The following MAP1B variants were observed in gnomAD, a reference collection of about 807,000 sequenced individuals.
MAP1B encodes microtubule associated protein 1B.
Under a neutral mutation model 176.1 loss-of-function variants are expected in MAP1B, and 12 were observed. That is an observed-to-expected ratio of 0.07 (90% CI 0.04 to 0.11). The LOEUF (loss-of-function observed/expected upper bound fraction) is 0.11, where lower values mean the gene tolerates loss of function less well. MAP1B is among the 10% of genes least tolerant of loss of function. MAP1B has a pLI of 1.00. For missense variants in MAP1B, 2,523 were observed against 2,990.5 expected (o/e 0.84, Z 3.65); for synonymous variants, 1,044 against 1,135.0 (o/e 0.92, Z 1.61).
intron 1 of MAP1B, 48 bp downstream of exon 1, chr5:72,107,763 CACG>C: frequency 1.9e-6 from 3 of 1,586,272 alleles, no homozygotes; most frequent in Non-Finnish European, 2.6e-6. Flanking sequence ...GACGCGCAAA[CACG>C]ACCCCACCCA....
chr5:72,144,646 C>T (rs1746013377), intron 2 of MAP1B, among the ~76,000 whole-genome samples: 1 of 152,182 alleles, frequency 6.6e-6, no homozygotes, highest in South Asian at 2.1e-4. Flanking sequence ...CCCCCCACCT[C>T]AGCTTCCCAA....
At chr5:72,127,107 C>A (rs1745644426) in intron 2 of MAP1B, among the ~76,000 whole-genome samples, 1 of 152,230 alleles carries the variant, frequency 6.6e-6, no homozygotes, top group Non-Finnish European at 1.5e-5. Flanking sequence ...CTCAAGAGTT[C>A]TAGGGATTAT....
intron 2 of MAP1B, among the ~76,000 whole-genome samples, chr5:72,121,936 C>T (rs1745537136): frequency 6.6e-6 from 1 of 152,190 alleles, no homozygotes; most frequent in African/African-American, 2.4e-5. Context: ...AGAGGGACAG[C>T]CGATTCTTTA....
chr5:72,117,925 A>C (rs558112099), intron 2 of MAP1B, among the ~76,000 whole-genome samples: 2 of 152,334 alleles, frequency 1.3e-5, no homozygotes, highest in East Asian at 3.9e-4. Context: ...AGCACATGTC[A>C]GATTCAGTTT....
At chr5:72,111,564 C>T (rs1745341377) in intron 1 of MAP1B, among the ~76,000 whole-genome samples, 1 of 152,144 alleles carries the variant, frequency 6.6e-6, no homozygotes, top group Non-Finnish European at 1.5e-5. Flanking sequence ...AAATAAGAAA[C>T]CAATACCATA....
Position 72,198,586 on chromosome 5 carries a change from C to T in MAP1B, c.5231C>T (p.Pro1744Leu). 2 of 1,614,108 alleles carry T rather than the reference C, an allele frequency of 1.2e-6. No homozygotes were observed. The highest frequency in any genetic ancestry group is 1.7e-6 in the Non-Finnish European group (2 of 1,180,030). ...SAHTPSQIAS[P>L]LQEDTLSDVA... ...CATACCCCTTCTCAGATCGCTTCTCCTCTCCAAGAAGATACTCTATCCGAT... is the reference window on the plus strand; with the variant it reads ...CATACCCCTTCTCAGATCGCTTCTCTTCTCCAAGAAGATACTCTATCCGAT... The change falls in exon 5 of 7, where the codon CCT (proline) becomes CTT (leucine). Residue 1744 changes from proline to leucine, a missense_variant. Coordinates refer to ENST00000296755, the MANE Select transcript of MAP1B (RefSeq NM_005909.5).
rs1298781562 is a variant in MAP1B, at chr5:72,209,109, A to G, written c.*3870A>G. On this transcript the variant is annotated 3_prime_UTR_variant, in exon 7 of 7. Transcript: ENST00000296755. ...AGTTGATTTTTAAAGGCAGCATCAAAAACTGAAAAGGAAGGGAAAAAATAG... is the reference window on the plus strand; with the variant it reads ...AGTTGATTTTTAAAGGCAGCATCAAGAACTGAAAAGGAAGGGAAAAAATAG... The G allele has an allele frequency of 6.6e-6, 1 of 152,234 alleles. No homozygotes were observed. The highest frequency in any genetic ancestry group is 1.5e-5 in the Non-Finnish European group (1 of 68,038). 9.4% of individuals were successfully genotyped at this position (152,234 alleles called of 1,614,324 possible). A position where few individuals can be genotyped will look rare whatever the true frequency, so the allele number is the denominator to read the frequency against.
chr5:72,196,097 C>T lies in MAP1B; in HGVS notation c.2742C>T (p.Pro914=), dbSNP rs768947518. The change falls in exon 5 of 7, where the codon CCC becomes CCT. Residue 914 remains proline (P), a synonymous_variant. Transcript: ENST00000296755. This position sits in a 1 kb window ranked among gnomAD's most constrained non-coding sequence, Gnocchi z 5.3. ...AACAGACACCTGAGGAGCTGGAGCC[C>T]GTCGAGAAGCAGGGAGTAGACGACA... ...ECEQTPEELE[P]VEKQGVDDIE... 40 of 1,613,804 alleles carry T rather than the reference C, an allele frequency of 2.5e-5. No homozygotes were observed. Among genetic ancestry groups the T allele is most frequent in the Middle Eastern group, 1.7e-4 (1 of 6,046 alleles).
At chr5:72,176,385 T>A (rs1381970172) in intron 2 of MAP1B, among the ~76,000 whole-genome samples, 1 of 152,242 alleles carries the variant, frequency 6.6e-6, no homozygotes, top group Non-Finnish European at 1.5e-5. Context: ...AGCACTGACC[T>A]TGGCCTTGAG....
rs536484188 is a variant in MAP1B at position 72,151,757 on chromosome 5, CCT to C, written c.287-31977_287-31976del. 1.4e-4 allele frequency among the ~76,000 whole-genome samples: 21 copies of C among 152,290 alleles called. 1 individual carries two copies. The South Asian group carries it at 4.3e-3, about 32-fold the overall frequency. ...TGAGCTGGGCTCACCCAGGGGCCAG[CCT>C]CTCTCTCTGTGTTTTTTACAGTTCC... On this transcript the variant is annotated intron_variant, in intron 2 of 6. Coordinates refer to ENST00000296755, the MANE Select transcript of MAP1B (RefSeq NM_005909.5).
intron 2 of MAP1B, among the ~76,000 whole-genome samples, chr5:72,160,429 A>C (rs1746306765): frequency 6.6e-6 from 1 of 152,176 alleles, no homozygotes; most frequent in African/African-American, 2.4e-5. Context: ...CTAGGAAATG[A>C]GTGTAGGCTG....
chr5:72,136,691 C>T (rs1223994198), intron 2 of MAP1B, among the ~76,000 whole-genome samples: 2 of 152,100 alleles, frequency 1.3e-5, no homozygotes, highest in Admixed American at 6.5e-5. Flanking sequence ...TGTTGGCCAG[C>T]CACTCCCTTT....
chr5:72,129,326 T>C (rs576913539), intron 2 of MAP1B, among the ~76,000 whole-genome samples: 269 of 152,128 alleles, frequency 1.8e-3, no homozygotes, highest in African/African-American at 6.2e-3. Flanking sequence ...GAGGCCAAGG[T>C]GGGCAGATCA....
chr5:72,134,154 G>A (rs1007219349), intron 2 of MAP1B, among the ~76,000 whole-genome samples: 23 of 152,310 alleles, frequency 1.5e-4, no homozygotes, highest in Admixed American at 5.9e-4. Flanking sequence ...TGACACCACA[G>A]TTTGATTTGA....
chr5:72,196,757 T>C lies in MAP1B; in HGVS notation c.3402T>C (p.Asp1134=). ...TATCCAGTGAGCCCACCCCCATGGA[T>C]GAGATGTCTACCCCTCGAGACGTGA... ...IEISSEPTPM[D]EMSTPRDVMS... The change falls in exon 5 of 7, where the codon GAT becomes GAC. Residue 1134 remains aspartate, a synonymous_variant. Coordinates refer to ENST00000296755, the MANE Select transcript of MAP1B (RefSeq NM_005909.5). The surrounding 1 kb of genome is among the most constrained non-coding windows in gnomAD (Gnocchi z 5.3). 1 of 1,612,144 alleles carries C rather than the reference T, an allele frequency of 6.2e-7. No homozygotes were observed. Among genetic ancestry groups the C allele is most frequent in the African/African-American group, 1.3e-5 (1 of 75,008 alleles).
intron 2 of MAP1B, among the ~76,000 whole-genome samples, chr5:72,153,356 C>A (rs867871153): frequency 2.0e-5 from 3 of 152,066 alleles, no homozygotes; most frequent in Non-Finnish European, 4.4e-5. Context: ...GCAGGGACCA[C>A]AATGGATTTG....
intron 2 of MAP1B, among the ~76,000 whole-genome samples, chr5:72,144,839 G>A (rs1394422220): frequency 6.6e-6 from 1 of 152,230 alleles, no homozygotes; most frequent in African/African-American, 2.4e-5. Context: ...TCTAGGCCAT[G>A]ACTAGAAAGG....
At chr5:72,183,084 G>A (rs1010183649) in intron 2 of MAP1B, among the ~76,000 whole-genome samples, 1 of 152,174 alleles carries the variant, frequency 6.6e-6, no homozygotes, top group Non-Finnish European at 1.5e-5. Flanking sequence ...TCACACCAAC[G>A]CCTTGCTTTG....
chr5:72,111,005 G>A (rs951523885), intron 1 of MAP1B, among the ~76,000 whole-genome samples: 8 of 152,180 alleles, frequency 5.3e-5, no homozygotes, highest in African/African-American at 1.9e-4. Flanking sequence ...TGGAACAATA[G>A]TGTTTCCTCG....
Sources: gnomAD v4.1 joint callset for allele counts (sites outside exome capture counted in the v4.1 genomes callset) on GRCh38, gnomAD v4.1.1 for gene constraint, Gnocchi (gnomAD v3.1) non-coding constraint, MANE v1.5 for transcripts, NCBI Gene and HGNC (gene_info 2026-07-23, HGNC 2026-07-21) for gene names.